The following CGRRF1 variants were observed in gnomAD, a reference collection of about 807,000 sequenced individuals.
The protein encoded by CGRRF1 is cell growth regulator with RING finger domain protein 1.
CGRRF1 carries 32 observed loss-of-function variants against 37.2 expected under a neutral mutation model. That is an observed-to-expected ratio of 0.86 (90% CI 0.65 to 1.16). The LOEUF (loss-of-function observed/expected upper bound fraction) is 1.16, where lower values mean the gene tolerates loss of function less well. Ranked by LOEUF, CGRRF1 falls within the 50% of genes most tolerant of loss-of-function variation. CGRRF1 has a pLI of 0.00. For synonymous variants in CGRRF1, 141 were observed against 140.3 expected, an observed-to-expected ratio of 1.00 and a Z score of -0.04; for missense variants, 391 against 382.6, an observed-to-expected ratio of 1.02 and a Z score of -0.18.
chr14:54,515,423 C>T (rs754806684), intron 1 of CGRRF1, among the ~76,000 whole-genome samples: 8 of 151,980 alleles, frequency 5.3e-5, no homozygotes, highest in Non-Finnish European at 1.0e-4. Flanking sequence ...TCAATTAAGT[C>T]AAATTGGTTG....
chr14:54,532,058 A>G (rs1476232006), intron 4 of CGRRF1, among the ~76,000 whole-genome samples: 1 of 152,200 alleles, frequency 6.6e-6, no homozygotes, highest in Non-Finnish European at 1.5e-5. Flanking sequence ...AAACAGAGTC[A>G]AGAAAAATCC....
At chr14:54,520,923 A>G (rs2032306267) in intron 1 of CGRRF1, among the ~76,000 whole-genome samples, 2 of 152,132 alleles carry the variant, frequency 1.3e-5, no homozygotes, top group African/African-American at 2.4e-5. Context: ...GAGTGCATCA[A>G]ATAGGCTCCT....
chr14:54,536,851 T>A (rs76469767), intron 4 of CGRRF1: 2 of 152,218 alleles, frequency 1.3e-5, no homozygotes, highest in Non-Finnish European at 2.9e-5. Flanking sequence ...TTAATTCTTA[T>A]ATAGTCAAGT....
rs751588930 is a variant in CGRRF1, at chr14:54,530,107, G to A, written c.303G>A (p.Gly101=). Reference sequence around the variant, plus strand: ...ATAGCCTCCTTACATGCTACTGGGGGTGCAGTGTTCAAAAATTATATGAAG... The same window carrying A: ...ATAGCCTCCTTACATGCTACTGGGGATGCAGTGTTCAAAAATTATATGAAG... The part of the protein sequence containing the change: ...LEDSLLTCYW[G]CSVQKLYEAL... The change falls in exon 3 of 6, where the codon GGG becomes GGA. Residue 101 remains glycine, a synonymous_variant. Transcript: ENST00000216420. 1.9e-6 allele frequency: 3 copies of A among 1,613,524 alleles called. No homozygotes were observed. The highest frequency in any genetic ancestry group is 2.2e-5 in the South Asian group (2 of 91,058).
intron 2 of CGRRF1, among the ~76,000 whole-genome samples, chr14:54,528,116 T>C (rs2140062742): frequency 6.6e-6 from 1 of 152,236 alleles, no homozygotes; most frequent in South Asian, 2.1e-4. Context: ...ATATATTTAA[T>C]TTTCTCTACC....
intron 1 of CGRRF1, among the ~76,000 whole-genome samples, chr14:54,513,731 T>C (rs1181921617): frequency 6.6e-6 from 1 of 152,056 alleles, no homozygotes; most frequent in Non-Finnish European, 1.5e-5. Context: ...TTTGGGAGGC[T>C]GAGGCAGGAA....
chr14:54,524,950 G>A (rs1029397668), intron 2 of CGRRF1, among the ~76,000 whole-genome samples: 1 of 152,188 alleles, frequency 6.6e-6, no homozygotes, highest in East Asian at 1.9e-4. Flanking sequence ...GGGAGGATGA[G>A]GTGGGAGGAT....
chr14:54,530,655 A>G (rs1012010351), intron 3 of CGRRF1: 39 of 839,792 alleles, frequency 4.6e-5, no homozygotes, highest in Non-Finnish European at 6.3e-5. Context: ...TTGCTAACTT[A>G]TTGATCATTT....
chr14:54,509,913 G>A lies in CGRRF1; in HGVS notation c.-47G>A. 6.9e-7 allele frequency: 1 copy of A among 1,442,274 alleles called. No homozygotes were observed. Among genetic ancestry groups the A allele is most frequent in the Non-Finnish European group, 9.8e-7 (1 of 1,024,820 alleles). The allele number at this position is 1,442,274 out of a possible 1,614,324, so 89.3% of individuals were successfully genotyped here. A position where few individuals can be genotyped will look rare whatever the true frequency, so the allele number is the denominator to read the frequency against. On this transcript the variant is annotated 5_prime_UTR_variant, in exon 1 of 6. Transcript: ENST00000216420. ...GGCGGGCGGGGCTCAGCCGGGCTGG[G>A]CTGGGCTCCGCGGCTGGAGCCGGGC...
chr14:54,532,026 A>C (rs766481907), intron 4 of CGRRF1, among the ~76,000 whole-genome samples: 2 of 152,148 alleles, frequency 1.3e-5, no homozygotes, highest in African/African-American at 4.8e-5. Context: ...GGACAGGGCA[A>C]ATATTCTCCT....
intron 1 of CGRRF1, among the ~76,000 whole-genome samples, chr14:54,514,213 T>C (rs1046701725): frequency 6.6e-6 from 1 of 152,200 alleles, no homozygotes; most frequent in Non-Finnish European, 1.5e-5. Context: ...AGTCTGTCCT[T>C]GAAAAGAATT....
At chr14:54,520,018 A>T (rs1211302299) in intron 1 of CGRRF1, among the ~76,000 whole-genome samples, 2 of 152,210 alleles carry the variant, frequency 1.3e-5, no homozygotes, top group East Asian at 1.9e-4. Context: ...GTTCTAAAAC[A>T]TTACATATTA....
intron 2 of CGRRF1, among the ~76,000 whole-genome samples, chr14:54,529,570 AG>A (rs753127787): frequency 1.8e-4 from 27 of 152,188 alleles, no homozygotes; most frequent in Non-Finnish European, 3.2e-4. Context: ...ATGTTAGTAA[AG>A]CTCAGTTTCT....
chr14:54,528,428 G>A (rs112428078), intron 2 of CGRRF1, among the ~76,000 whole-genome samples: 10 of 152,068 alleles, frequency 6.6e-5, no homozygotes, highest in African/African-American at 2.4e-4. Context: ...GCTATAATGA[G>A]TAGCCTTATA....
At position 54,509,911 on chromosome 14, in the gene CGRRF1, G is replaced by A. The variant is rs538453749; in HGVS notation, c.-49G>A. The A allele has an allele frequency of 2.1e-6, 3 of 1,423,280 alleles. No homozygotes were observed. In the South Asian group the frequency reaches 3.4e-5, roughly 16 times the overall value. 88.2% of individuals were successfully genotyped at this position (1,423,280 alleles called of 1,614,324 possible). On this transcript the variant is annotated 5_prime_UTR_variant, in exon 1 of 6. Transcript: ENST00000216420. ...CGGGCGGGCGGGGCTCAGCCGGGCTGGGCTGGGCTCCGCGGCTGGAGCCGG... is the reference window on the plus strand; with the variant it reads ...CGGGCGGGCGGGGCTCAGCCGGGCTAGGCTGGGCTCCGCGGCTGGAGCCGG...
chr14:54,519,058 T>G (rs1326166090), intron 1 of CGRRF1, among the ~76,000 whole-genome samples: 1 of 152,132 alleles, frequency 6.6e-6, no homozygotes, highest in Admixed American at 6.5e-5. Context: ...TTCTCCTGCC[T>G]CAGCCTCCCA....
At chr14:54,537,610 CT>C (rs199511847) in intron 4 of CGRRF1, 111 bp from the exon 5 acceptor site, 1,048 of 1,087,636 alleles carry the variant, frequency 9.6e-4, no homozygotes, top group South Asian at 1.3e-3. Flanking sequence ...AAGCATTTTT[CT>C]TTTTTTTTGG....
chr14:54,534,977 C>T (rs2032576823), intron 4 of CGRRF1, among the ~76,000 whole-genome samples: 1 of 152,102 alleles, frequency 6.6e-6, no homozygotes, highest in African/African-American at 2.4e-5. Context: ...CTGTGATCTC[C>T]CAAAGGGCTG....
chr14:54,511,655 T>C (rs2032131848), intron 1 of CGRRF1, among the ~76,000 whole-genome samples: 2 of 152,240 alleles, frequency 1.3e-5, no homozygotes, highest in African/African-American at 4.8e-5. Context: ...AGGAGCCTCA[T>C]GTTTGTAGTG....
Sources: gnomAD v4.1 joint callset for allele counts (sites outside exome capture counted in the v4.1 genomes callset) on GRCh38, gnomAD v4.1.1 for gene constraint, MANE v1.5 for transcripts, NCBI Gene and HGNC (gene_info 2026-07-23, HGNC 2026-07-21) for gene names.